Variants in CELF4 observed in about 807,000 individuals in gnomAD.
CELF4 encodes the protein CUG-BP- and ETR-3-like factor 4.
Under a neutral mutation model 59.9 loss-of-function variants are expected in CELF4, and 18 were observed. The ratio of observed to expected loss-of-function variants is 0.30; its 90% CI spans 0.21 to 0.45. CELF4 has a LOEUF of 0.45. Ranked by LOEUF, CELF4 falls within the 20% of genes least tolerant of loss-of-function variation. The probability of loss-of-function intolerance (pLI) is 1.00; values close to 1 mark genes in which losing one functional copy is unlikely to be tolerated. For missense variants in CELF4, 456 were observed against 689.0 expected (o/e 0.66, Z 3.79); for synonymous variants, 261 against 267.1 (o/e 0.98, Z 0.22).
intron 2 of CELF4, among the ~76,000 whole-genome samples, chr18:37,356,824 T>C (rs2098595252): frequency 6.6e-6 from 1 of 152,192 alleles, no homozygotes; most frequent in African/African-American, 2.4e-5. Context: ...CCCAGATCTC[T>C]CTACCGGCAG....
chr18:37,325,731 GGGCTA>G (rs1406019433), intron 2 of CELF4, among the ~76,000 whole-genome samples: 1 of 152,222 alleles, frequency 6.6e-6, no homozygotes, highest in African/African-American at 2.4e-5. Context: ...CTTCAGCCAT[GGGCTA>G]GGCACCTATG....
At chr18:37,351,271 T>A (rs774596540) in intron 2 of CELF4, among the ~76,000 whole-genome samples, 1 of 152,190 alleles carries the variant, frequency 6.6e-6, no homozygotes, top group Non-Finnish European at 1.5e-5. Flanking sequence ...ATGCAATTTA[T>A]CTTGCATACC....
intron 2 of CELF4, among the ~76,000 whole-genome samples, chr18:37,392,051 G>A (rs1014553630): frequency 1.3e-5 from 2 of 152,202 alleles, no homozygotes; most frequent in Non-Finnish European, 2.9e-5. Context: ...CGAATTCAGG[G>A]AGACCCTGGG....
At chr18:37,266,170 A>G (rs2077438465) in intron 9 of CELF4, 3 of 396,026 alleles carry the variant, frequency 7.6e-6, no homozygotes, top group Admixed American at 8.2e-5. Context: ...GGCAGCATCC[A>G]GGTCCAGCCT....
chr18:37,413,197 T>C (rs1253702837), intron 2 of CELF4, among the ~76,000 whole-genome samples: 3 of 152,238 alleles, frequency 2.0e-5, no homozygotes, highest in Non-Finnish European at 2.9e-5. Context: ...TTACTCAGAA[T>C]GAAGGCTTGG....
chr18:37,490,729 C>T (rs1042407110), intron 1 of CELF4, among the ~76,000 whole-genome samples: 1 of 152,120 alleles, frequency 6.6e-6, no homozygotes. Context: ...AACACCTCCC[C>T]GTCTTTGCCC....
chr18:37,419,463 C>T (rs2099555695), intron 2 of CELF4, among the ~76,000 whole-genome samples: 1 of 152,048 alleles, frequency 6.6e-6, no homozygotes, highest in South Asian at 2.1e-4. Context: ...TGAGCACCTG[C>T]TTTAGGAATG....
chr18:37,455,491 G>A (rs964261960), intron 2 of CELF4, among the ~76,000 whole-genome samples: 1 of 152,224 alleles, frequency 6.6e-6, no homozygotes, highest in Non-Finnish European at 1.5e-5. Context: ...GGGGCAGGAA[G>A]GAATGTGGTT....
chr18:37,537,962 C>T (rs1329768205), intron 1 of CELF4, among the ~76,000 whole-genome samples: 1 of 152,244 alleles, frequency 6.6e-6, no homozygotes, highest in Non-Finnish European at 1.5e-5. Context: ...GGGGCACAGA[C>T]ATTTGTGCCC....
chr18:37,511,309 C>T (rs2099944055), intron 1 of CELF4, among the ~76,000 whole-genome samples: 1 of 152,076 alleles, frequency 6.6e-6, no homozygotes, highest in Non-Finnish European at 1.5e-5. Flanking sequence ...GCATGTGAGC[C>T]TTGATGCTTC....
intron 12 of CELF4, among the ~76,000 whole-genome samples, chr18:37,252,479 GA>G (rs2066082576): frequency 6.6e-6 from 1 of 151,730 alleles, no homozygotes; most frequent in Non-Finnish European, 1.5e-5. Context: ...CCATTTCAGA[GA>G]AGAGACCAAA....
chr18:37,266,711 G>C, intron 8 of CELF4, 113 bp from the exon 9 acceptor site: 1 of 955,476 alleles, frequency 1.0e-6, no homozygotes, highest in Non-Finnish European at 1.5e-6. Context: ...ACTGCAGGCT[G>C]TGCCCTGGGG....
intron 1 of CELF4, among the ~76,000 whole-genome samples, chr18:37,490,448 C>T (rs1412739827): frequency 1.3e-5 from 2 of 152,060 alleles, no homozygotes; most frequent in East Asian, 1.9e-4. Flanking sequence ...TAGGTGAGCC[C>T]GACAGGATGC....
chr18:37,416,178 T>TCATC (rs5824059), intron 2 of CELF4, among the ~76,000 whole-genome samples: 147,272 of 151,452 alleles, frequency 0.97, 71,734 homozygotes, highest in East Asian at 1. Context: ...CCATTTGAGG[T>TCATC]CATCCATCCA....
At chr18:37,391,552 T>C (rs984393807) in intron 2 of CELF4, among the ~76,000 whole-genome samples, 16 of 152,172 alleles carry the variant, frequency 1.1e-4, no homozygotes, top group African/African-American at 3.9e-4. Context: ...CATGTCTCTG[T>C]CATTGCCATG....
At chr18:37,472,318 G>A (rs1301603284) in intron 2 of CELF4, among the ~76,000 whole-genome samples, 2 of 152,232 alleles carry the variant, frequency 1.3e-5, no homozygotes, top group South Asian at 2.1e-4. Flanking sequence ...CCCTCCCTGC[G>A]GCCAGCCCTG....
chr18:37,354,398 C>A (rs764253414), intron 2 of CELF4, among the ~76,000 whole-genome samples: 2 of 151,934 alleles, frequency 1.3e-5, no homozygotes, highest in Non-Finnish European at 2.9e-5. Context: ...TGGTGGGGGG[C>A]GCAGAGGGCC....
intron 2 of CELF4, among the ~76,000 whole-genome samples, chr18:37,394,702 G>A (rs2154579649): frequency 6.6e-6 from 1 of 152,270 alleles, no homozygotes; most frequent in Non-Finnish European, 1.5e-5. Flanking sequence ...ACACGGGTGA[G>A]AAGGTGGGAG....
intron 1 of CELF4, among the ~76,000 whole-genome samples, chr18:37,526,901 C>T (rs1343994320): frequency 6.6e-6 from 1 of 151,944 alleles, no homozygotes; most frequent in Non-Finnish European, 1.5e-5. Context: ...AAGGTATGGT[C>T]ACCACACCGA....
Sources: gnomAD v4.1 joint callset for allele counts (sites outside exome capture counted in the v4.1 genomes callset) on GRCh38, gnomAD v4.1.1 for gene constraint, MANE v1.5 for transcripts, NCBI Gene and HGNC (gene_info 2026-07-23, HGNC 2026-07-21) for gene names.